The following SFTPC variants were observed in gnomAD, a reference collection of about 807,000 sequenced individuals.
The protein encoded by SFTPC is BRICHOS domain containing 6.
Under a neutral mutation model 19.9 loss-of-function variants are expected in SFTPC, and 12 were observed. The observed-to-expected ratio is 0.60, with a 90% CI of 0.39 to 0.98. The LOEUF (loss-of-function observed/expected upper bound fraction) is 0.98, where lower values mean the gene tolerates loss of function less well. SFTPC is among the 50% of genes least tolerant of loss of function. SFTPC has a pLI of 0.00. For missense variants in SFTPC, 219 were observed against 252.2 expected, an observed-to-expected ratio of 0.87 and a Z score of 0.89; for synonymous variants, 123 against 103.3, an observed-to-expected ratio of 1.19 and a Z score of -1.16.
Position 22,164,029 on chromosome 8 carries a change from C to T in SFTPC, c.564C>T (p.Leu188=). 1 of 1,612,080 alleles carries T rather than the reference C, an allele frequency of 6.2e-7. No homozygotes were observed. The highest frequency in any genetic ancestry group is 8.5e-7 in the Non-Finnish European group (1 of 1,180,022). Residue 188 remains leucine, a synonymous_variant, in exon 5 of 6, where the codon CTC becomes CTT. Transcript: ENST00000679463. The stretch of plus-strand genomic sequence containing the variant: ...GCACCCTGTGTGGCGAGGTGCCGCT[C>T]TACTACATCTAGGACGCCTCCGGTG... ...AVSTLCGEVP[L]YYI is the part of the protein sequence containing the mutation.
chr8:22,161,350 A>G (rs768540878), upstream of SFTPC, among the ~76,000 whole-genome samples: 1 of 152,222 alleles, frequency 6.6e-6, no homozygotes, highest in Non-Finnish European at 1.5e-5. Flanking sequence ...CTCAGAGTCT[A>G]CAGGTGCTGC....
At chr8:22,158,670 T>C (rs920241480), upstream of SFTPC, 1 of 152,248 alleles carries the variant, frequency 6.6e-6, no homozygotes, top group African/African-American at 2.4e-5. Context: ...GTCCTCATAA[T>C]AGCATAGTGA....
At position 22,164,324 on chromosome 8, in the gene SFTPC, T is replaced by C. The variant is rs1827944224; in HGVS notation, c.*77T>C. On this transcript the variant is annotated 3_prime_UTR_variant, in exon 6 of 6. Transcript: ENST00000679463. ...CCCGGGCAAAGGGTCTTTTGCAGCT[T>C]TTGCAGACGGGCAAGAAGCTGCTTC... The C allele has an allele frequency of 6.5e-7, 1 of 1,536,112 alleles. No individual in the cohort carries two copies. Among genetic ancestry groups the C allele is most frequent in the Non-Finnish European group, 8.7e-7 (1 of 1,146,906 alleles).
chr8:22,161,776 A>C (rs766625842), upstream of SFTPC: 18 of 1,613,650 alleles, frequency 1.1e-5, no homozygotes, highest in South Asian at 4.4e-5. Flanking sequence ...CACATATAAG[A>C]CCCTGGTCAC....
upstream of SFTPC, chr8:22,161,558 G>A (rs8192339): frequency 0.059 from 52,099 of 876,452 alleles, 2,077 homozygotes; most frequent in Non-Finnish European, 0.067. Flanking sequence ...CAGATGGCCC[G>A]AGGGCAAGTT....
At chr8:22,162,428 C>T (rs1827776284) in intron 1 of SFTPC, 146 bp from the exon 2 acceptor site, 1 of 873,260 alleles carries the variant, frequency 1.1e-6, no homozygotes, top group Admixed American at 1.8e-5. Context: ...GAAGCCTTCT[C>T]TGATCTCCTC....
At chr8:22,157,419 G>GCCCC (rs2131801215), upstream of SFTPC, 1 of 174,746 alleles carries the variant, frequency 5.7e-6, no homozygotes, top group South Asian at 1.0e-4. Context: ...GGAAACTGAG[G>GCCCC]CCCCCTAAGC....
At chr8:22,163,389 A>G (rs1231526958) in intron 3 of SFTPC, 47 bp from the exon 4 acceptor site, 10 of 1,556,722 alleles carry the variant, frequency 6.4e-6, no homozygotes, top group Non-Finnish European at 8.8e-6. Flanking sequence ...GGTCAGGGAG[A>G]GAGCAGGGCA....
At chr8:22,158,339 G>C (rs1360117473), upstream of SFTPC, among the ~76,000 whole-genome samples, 1 of 152,206 alleles carries the variant, frequency 6.6e-6, no homozygotes, top group African/African-American at 2.4e-5. Flanking sequence ...GGGAAGCAGT[G>C]AGGGTAGGGA....
In SFTPC at chr8:22,164,385, G is replaced by A. The variant is rs1416765326; in HGVS notation, c.*138G>A. 1 of 1,534,134 alleles carries A rather than the reference G, an allele frequency of 6.5e-7. No homozygotes were observed. The highest frequency in any genetic ancestry group is 1.2e-5 in the South Asian group (1 of 83,874). ...GCAGGGACAAGCCCTGGAGAAATGG[G>A]AGCTTGGGGAGAGGATGGGAGTGGG... On this transcript the variant is annotated 3_prime_UTR_variant, in exon 6 of 6. Transcript: ENST00000679463.
At chr8:22,162,124 G>A (rs1827758154) in intron 1 of SFTPC, among the ~76,000 whole-genome samples, 1 of 152,144 alleles carries the variant, frequency 6.6e-6, no homozygotes, top group South Asian at 2.1e-4. Flanking sequence ...CAGAAGCCAT[G>A]AGAAACTTCA....
At chr8:22,164,145 C>A in intron 5 of SFTPC, 86 bp downstream of exon 5, 1 of 1,567,268 alleles carries the variant, frequency 6.4e-7, no homozygotes, top group South Asian at 1.2e-5. Flanking sequence ...GCTGACCAGG[C>A]GCTGGGGCGT....
At chr8:22,157,640 C>CG (rs1464911108), upstream of SFTPC, 1 of 152,180 alleles carries the variant, frequency 6.6e-6, no homozygotes, top group Non-Finnish European at 1.5e-5. Flanking sequence ...CCTGGGAGCC[C>CG]GGGGGTCCTT....
upstream of SFTPC, chr8:22,159,404 A>G (rs75019834): frequency 8.9e-4 from 254 of 283,946 alleles, no homozygotes; most frequent in African/African-American, 5.7e-3. Context: ...AAGGCTGCAG[A>G]CAGGGCTGGT....
upstream of SFTPC, chr8:22,159,564 A>C (rs1369940789): frequency 2.7e-6 from 1 of 374,600 alleles, no homozygotes; most frequent in Non-Finnish European, 5.2e-6. Context: ...GGGTTTAAAA[A>C]AAGAAGGAGA....
Position 22,163,466 on chromosome 8 carries a change from A to T in SFTPC, c.355A>T (p.Thr119Ser). 6.2e-7 allele frequency: 1 copy of T among 1,614,086 alleles called. No homozygotes were observed. Among genetic ancestry groups the T allele is most frequent in the Non-Finnish European group, 8.5e-7 (1 of 1,180,008 alleles). Reference protein sequence around the residue: ...LLIAYKPAPGTCCYIMKIAPE... With the variant: ...LLIAYKPAPGSCCYIMKIAPE... ...GATCGCCTACAAGCCAGCCCCTGGC[A>T]CCTGCTGCTACATCATGAAGATAGC... The change falls in exon 4 of 6, where the codon ACC becomes TCC. Residue 119 changes from threonine (T) to serine (S), a missense_variant. By Grantham distance (58) the Thr-to-Ser change is moderately conservative. Coordinates refer to ENST00000679463, the MANE Select transcript of SFTPC (RefSeq NM_001317778.2).
At chr8:22,161,658 A>C, upstream of SFTPC, 1 of 1,590,502 alleles carries the variant, frequency 6.3e-7, no homozygotes, top group Non-Finnish European at 8.5e-7. Context: ...CAGGGGGCTT[A>C]TCTGGGCTTC....
chr8:22,160,837 CA>C (rs1229004268), upstream of SFTPC, among the ~76,000 whole-genome samples: 6 of 152,110 alleles, frequency 3.9e-5, no homozygotes, highest in Admixed American at 2.6e-4. Context: ...CTAGGAAAGA[CA>C]GAGAAAAGAG....
At chr8:22,160,559 A>T (rs746118534), upstream of SFTPC, among the ~76,000 whole-genome samples, 200 of 152,326 alleles carry the variant, frequency 1.3e-3, no homozygotes, top group Non-Finnish European at 2.3e-3. Context: ...TGCAGTGAGC[A>T]GTGATCTCGC....
Sources: allele counts gnomAD v4.1 joint callset (sites outside exome capture counted in the v4.1 genomes callset), GRCh38; gene constraint gnomAD v4.1.1; transcripts MANE v1.5; gene names NCBI Gene and HGNC (gene_info 2026-07-23, HGNC 2026-07-21).